CPEB3: variants seen among roughly 807,000 people sequenced by gnomAD.
CPEB3 encodes cytoplasmic polyadenylation element-binding protein 3.
CPEB3 carries 20 observed loss-of-function variants against 67.2 expected under a neutral mutation model. The ratio of observed to expected loss-of-function variants is 0.30; its 90% CI spans 0.21 to 0.43. CPEB3 has a LOEUF of 0.43. CPEB3 is among the 20% of genes least tolerant of loss of function. The pLI is 1.00. For missense variants in CPEB3, 746 were observed against 968.6 expected (o/e 0.77, Z 3.05); for synonymous variants, 376 against 393.1 (o/e 0.96, Z 0.51).
chr10:92,124,739 T>A (rs975664447), intron 6 of CPEB3, among the ~76,000 whole-genome samples: 7 of 152,196 alleles, frequency 4.6e-5, no homozygotes, highest in Non-Finnish European at 7.3e-5. Context: ...AAACTTGGAA[T>A]CTGGCCTAAA....
At chr10:92,280,753 C>CTTTTTT (rs948586177) in intron 1 of CPEB3, among the ~76,000 whole-genome samples, 41 of 91,650 alleles carry the variant, frequency 4.5e-4, no homozygotes, top group East Asian at 1.5e-3. Flanking sequence ...AGCATCTATT[C>CTTTTTT]TTTTTTTTTT....
chr10:92,137,365 T>C, intron 6 of CPEB3: 1 of 1,048,072 alleles, frequency 9.5e-7, no homozygotes, highest in Non-Finnish European at 1.4e-6. Flanking sequence ...GAGATACCTG[T>C]CTCCCAAATA....
intron 1 of CPEB3, among the ~76,000 whole-genome samples, chr10:92,247,540 G>A (rs1476059975): frequency 2.0e-5 from 3 of 152,142 alleles, no homozygotes; most frequent in Non-Finnish European, 2.9e-5. Context: ...TGGGATTACA[G>A]GCATGTGCCA....
At chr10:92,119,800 G>T (rs1486959984) in intron 6 of CPEB3, among the ~76,000 whole-genome samples, 2 of 151,756 alleles carry the variant, frequency 1.3e-5, no homozygotes, top group Admixed American at 6.6e-5. Flanking sequence ...CATATTAAAG[G>T]TTACTTATTT....
At position 92,239,249 on chromosome 10, in the gene CPEB3, C is replaced by T. The variant is rs1019085554; in HGVS notation, c.1005+97G>A. On this transcript the variant is annotated intron_variant, in intron 2 of 9. Coordinates refer to ENST00000265997, the MANE Select transcript of CPEB3 (RefSeq NM_014912.5). This position sits in a 1 kb window ranked among gnomAD's most constrained non-coding sequence, Gnocchi z 6.0. ...GGAAAGAGGAGCTGGACATTGCTGC[C>T]CTTTTTAAATATAAGCGGGTGGATG... is the stretch of plus-strand genomic sequence containing the variant. 5 of 1,357,802 alleles carry T rather than the reference C, an allele frequency of 3.7e-6. No homozygotes were observed. In the African/African-American group the frequency reaches 7.2e-5, roughly 20 times the overall value. The allele number at this position is 1,357,802 out of a possible 1,614,324, so 84.1% of individuals were successfully genotyped here. A position where few individuals can be genotyped will look rare whatever the true frequency, so the allele number is the denominator to read the frequency against.
At chr10:92,058,771 C>T (rs1164951898) in intron 9 of CPEB3, among the ~76,000 whole-genome samples, 1 of 151,782 alleles carries the variant, frequency 6.6e-6, no homozygotes, top group Non-Finnish European at 1.5e-5. Flanking sequence ...AATAAAGAAA[C>T]ATCTTTATTG....
chr10:92,150,334 T>C (rs189471998), intron 4 of CPEB3, among the ~76,000 whole-genome samples: 1,693 of 152,026 alleles, frequency 0.011, 30 homozygotes, highest in Non-Finnish European at 0.019. Flanking sequence ...TCTAGTGATC[T>C]TCCTGCCTCA....
chr10:92,149,746 G>A (rs1269659018), intron 4 of CPEB3, among the ~76,000 whole-genome samples: 5 of 152,106 alleles, frequency 3.3e-5, no homozygotes, highest in East Asian at 1.9e-4. Context: ...TCTAACTGTG[G>A]GTAATAATTA....
intron 4 of CPEB3, among the ~76,000 whole-genome samples, chr10:92,175,302 C>T (rs1017133442): frequency 6.6e-6 from 1 of 151,536 alleles, no homozygotes; most frequent in African/African-American, 2.4e-5. Flanking sequence ...ATTTATGTTG[C>T]TGCATGTATT....
intron 9 of CPEB3, among the ~76,000 whole-genome samples, chr10:92,061,045 CGAA>C (rs1842323910): frequency 6.6e-6 from 1 of 152,124 alleles, no homozygotes; most frequent in Non-Finnish European, 1.5e-5. Flanking sequence ...ATCAGTCTAT[CGAA>C]GAGATATCTG....
intron 2 of CPEB3, among the ~76,000 whole-genome samples, chr10:92,206,247 A>G (rs569398370): frequency 6.6e-6 from 1 of 151,546 alleles, no homozygotes; most frequent in African/African-American, 2.4e-5. Context: ...AATTTTTTGT[A>G]TTTTTAGCAG....
chr10:92,153,052 A>G (rs1441505925), intron 4 of CPEB3, among the ~76,000 whole-genome samples: 1 of 152,182 alleles, frequency 6.6e-6, no homozygotes, highest in African/African-American at 2.4e-5. Context: ...AAATTTTCCT[A>G]TTACTATGAG....
At chr10:92,289,732 A>AAAAAAAAAAAAAAAATATATATAT in intron 1 of CPEB3, among the ~76,000 whole-genome samples, 1 of 75,768 alleles carries the variant, frequency 1.3e-5, no homozygotes, top group Non-Finnish European at 2.6e-5. Flanking sequence ...AAAAAAAAAA[A>AAAAAAAAAAAAAAAATATATATAT]ATATATATAT....
intron 1 of CPEB3, among the ~76,000 whole-genome samples, chr10:92,259,226 G>A (rs1852680386): frequency 6.6e-6 from 1 of 151,734 alleles, no homozygotes; most frequent in Admixed American, 6.6e-5. Flanking sequence ...GCCTCCCAAA[G>A]TACTGGGATT....
chr10:92,193,571 C>T (rs1321524450), intron 2 of CPEB3, among the ~76,000 whole-genome samples: 2 of 151,946 alleles, frequency 1.3e-5, no homozygotes, highest in East Asian at 3.9e-4. Flanking sequence ...AATCCTCCCA[C>T]CTCAGCCTCC....
At chr10:92,087,865 GA>G (rs1439235009) in intron 8 of CPEB3, among the ~76,000 whole-genome samples, 1 of 152,188 alleles carries the variant, frequency 6.6e-6, no homozygotes, top group Non-Finnish European at 1.5e-5. Flanking sequence ...GCAGCAGGAG[GA>G]GAATCAAACT....
chr10:92,163,410 G>T (rs1043587855), intron 4 of CPEB3, among the ~76,000 whole-genome samples: 1 of 151,876 alleles, frequency 6.6e-6, no homozygotes, highest in Non-Finnish European at 1.5e-5. Context: ...CCCCAGCCTG[G>T]GCAACAAGAG....
chr10:92,118,871 GAC>G (rs144660991), intron 6 of CPEB3: 114,714 of 818,258 alleles, frequency 0.14, 9,210 homozygotes, highest in Middle Eastern at 0.2. Context: ...CTGCCACCAT[GAC>G]ACTGGTACTG....
chr10:92,198,091 G>GT (rs1249030092), intron 2 of CPEB3, among the ~76,000 whole-genome samples: 13 of 152,178 alleles, frequency 8.5e-5, no homozygotes, highest in African/African-American at 3.1e-4. Flanking sequence ...GGGTGACACA[G>GT]TGAGACTCCA....
Sources: gnomAD v4.1 joint callset for allele counts (sites outside exome capture counted in the v4.1 genomes callset) on GRCh38, gnomAD v4.1.1 for gene constraint, Gnocchi (gnomAD v3.1) non-coding constraint, MANE v1.5 for transcripts, NCBI Gene and HGNC (gene_info 2026-07-23, HGNC 2026-07-21) for gene names.